Variants in LGR6 observed in about 807,000 individuals in gnomAD.
LGR6 encodes the protein leucine-rich repeat-containing G protein-coupled receptor 6.
LGR6 carries 45 observed loss-of-function variants against 69.4 expected under a neutral mutation model. That is an observed-to-expected ratio of 0.65 (90% confidence interval 0.51 to 0.83). The LOEUF is 0.83. Ranked by LOEUF, LGR6 falls within the 40% of genes least tolerant of loss-of-function variation. The pLI is 0.00. For missense variants in LGR6, 1,108 were observed against 1,246.7 expected, an observed-to-expected ratio of 0.89 and a Z score of 1.68; for synonymous variants, 538 against 555.0, an observed-to-expected ratio of 0.97 and a Z score of 0.43.
intron 6 of LGR6, among the ~76,000 whole-genome samples, chr1:202,283,681 G>A (rs1255657750): frequency 6.6e-6 from 1 of 152,196 alleles, no homozygotes; most frequent in African/African-American, 2.4e-5. Context: ...CACACACGTG[G>A]TCACACAGGC....
chr1:202,223,137 C>A (rs1030873073), intron 1 of LGR6, among the ~76,000 whole-genome samples: 1 of 152,112 alleles, frequency 6.6e-6, no homozygotes, highest in African/African-American at 2.4e-5. Flanking sequence ...TGGGTTCTGC[C>A]TCTCTCCCAC....
At chr1:202,262,774 G>A (rs1189694924) in intron 4 of LGR6, among the ~76,000 whole-genome samples, 1 of 152,056 alleles carries the variant, frequency 6.6e-6, no homozygotes, top group African/African-American at 2.4e-5. Context: ...AGTGTCTCAT[G>A]TTTATTCTCC....
chr1:202,224,770 A>C (rs1186713791), intron 1 of LGR6, among the ~76,000 whole-genome samples: 1 of 152,000 alleles, frequency 6.6e-6, no homozygotes, highest in African/African-American at 2.4e-5. Context: ...CTCCCTCTCT[A>C]TGTTCCGCCT....
At chr1:202,224,620 G>A (rs936052309) in intron 1 of LGR6, among the ~76,000 whole-genome samples, 2 of 152,186 alleles carry the variant, frequency 1.3e-5, no homozygotes, top group Non-Finnish European at 2.9e-5. Flanking sequence ...ATTAGTTAGA[G>A]TCTCATAAGG....
intron 6 of LGR6, among the ~76,000 whole-genome samples, chr1:202,291,966 G>A (rs564929980): frequency 1.7e-4 from 26 of 152,216 alleles, no homozygotes; most frequent in Non-Finnish European, 3.2e-4. Context: ...GGGTTGGATT[G>A]AGGGAGAAAG....
In LGR6 at chr1:202,207,754, C is replaced by T. The variant is rs542522652; in HGVS notation, c.212+13553C>T. ...CTCACCTGTAATAGAGGGATGACAA[C>T]GATGCCCTTGTTAAATGAGTTAATA... On this transcript the variant is annotated intron_variant, in intron 1 of 17. Coordinates refer to ENST00000367278, the MANE Select transcript of LGR6 (RefSeq NM_001017403.2). Among the ~76,000 whole-genome samples, 8 of 152,288 alleles carry T rather than the reference C, an allele frequency of 5.3e-5. No individual in the cohort carries two copies. In the East Asian group the frequency reaches 1.5e-3, roughly 29 times the overall value.
At chr1:202,237,809 C>G (rs1661711470) in intron 4 of LGR6, among the ~76,000 whole-genome samples, 1 of 152,156 alleles carries the variant, frequency 6.6e-6, no homozygotes, top group Non-Finnish European at 1.5e-5. Flanking sequence ...GCAAGAAGAG[C>G]ACTGGCCTGT....
intron 4 of LGR6, among the ~76,000 whole-genome samples, chr1:202,249,439 A>C (rs1048749708): frequency 2.6e-5 from 4 of 151,992 alleles, no homozygotes; most frequent in African/African-American, 9.7e-5. Flanking sequence ...TCTCCCTGGG[A>C]GGTTTCTCAT....
At chr1:202,253,396 G>A (rs1297638601) in intron 4 of LGR6, among the ~76,000 whole-genome samples, 1 of 151,778 alleles carries the variant, frequency 6.6e-6, no homozygotes, top group African/African-American at 2.4e-5. Context: ...TCCGCCTCCT[G>A]GGTTCAAGCT....
intron 1 of LGR6, among the ~76,000 whole-genome samples, chr1:202,207,104 G>A (rs1659277120): frequency 6.6e-6 from 1 of 152,052 alleles, no homozygotes; most frequent in Non-Finnish European, 1.5e-5. Context: ...TTTTAGTAGA[G>A]ACGGGTTTTC....
Position 202,226,545 on chromosome 1 carries a change from C to T in LGR6, c.284+1051C>T, listed in dbSNP as rs146718390. On this transcript the variant is annotated intron_variant, in intron 2 of 17. Coordinates refer to ENST00000367278, the MANE Select transcript of LGR6 (RefSeq NM_001017403.2). The stretch of plus-strand genomic sequence containing the variant: ...TCCCCAGGGATGCGGTCAACCTGCC[C>T]CTGTTGGAGTTTTGACCCCCAGGGC... 1.9e-3 allele frequency among the ~76,000 whole-genome samples: 289 copies of T among 152,202 alleles called. 2 individuals carry two copies. The highest frequency in any genetic ancestry group is 6.5e-3 in the African/African-American group (269 of 41,522).
chr1:202,194,712 G>GGGC (rs1658572826), intron 1 of LGR6: 4 of 255,976 alleles, frequency 1.6e-5, no homozygotes, highest in Non-Finnish European at 3.1e-5. Flanking sequence ...GGGCGGGGGG[G>GGGC]GCGGGTTTCC....
intron 4 of LGR6, among the ~76,000 whole-genome samples, chr1:202,263,965 A>G (rs1280558774): frequency 6.6e-6 from 1 of 152,218 alleles, no homozygotes; most frequent in East Asian, 1.9e-4. Flanking sequence ...AATTCTGAGC[A>G]AGAGAAAAAC....
intron 4 of LGR6, among the ~76,000 whole-genome samples, chr1:202,258,695 T>C (rs1298332971): frequency 6.6e-6 from 1 of 152,060 alleles, no homozygotes; most frequent in Non-Finnish European, 1.5e-5. Context: ...TTGATCACTT[T>C]ATTAAATTCT....
At chr1:202,247,250 G>A (rs965438226) in intron 4 of LGR6, among the ~76,000 whole-genome samples, 3 of 151,516 alleles carry the variant, frequency 2.0e-5, no homozygotes, top group South Asian at 2.1e-4. Flanking sequence ...CAGCATCGGC[G>A]TCACTTGGGA....
intron 1 of LGR6, among the ~76,000 whole-genome samples, chr1:202,216,471 G>A (rs954887276): frequency 6.6e-6 from 1 of 152,216 alleles, no homozygotes; most frequent in African/African-American, 2.4e-5. Context: ...GTCCAATACA[G>A]GAGCCACTAT....
At chr1:202,225,252 C>T (rs1482883799) in intron 1 of LGR6, 171 bp from the exon 2 acceptor site, 1 of 625,916 alleles carries the variant, frequency 1.6e-6, no homozygotes, top group Non-Finnish European at 2.9e-6. Flanking sequence ...TCAGTTCTTG[C>T]TCTTAGAGAG....
intron 2 of LGR6, 53 bp downstream of exon 2, chr1:202,225,547 TC>T: frequency 6.6e-7 from 1 of 1,512,976 alleles, no homozygotes; most frequent in Non-Finnish European, 9.2e-7. Context: ...GTCTAATATC[TC>T]TGGAACCAGA....
intron 1 of LGR6, among the ~76,000 whole-genome samples, chr1:202,218,535 A>G (rs1223470294): frequency 6.6e-6 from 1 of 152,166 alleles, no homozygotes; most frequent in African/African-American, 2.4e-5. Flanking sequence ...TGATGGTCAC[A>G]ATAATAGGGA....
Sources: gnomAD v4.1 joint callset for allele counts (sites outside exome capture counted in the v4.1 genomes callset) on GRCh38, gnomAD v4.1.1 for gene constraint, MANE v1.5 for transcripts, NCBI Gene and HGNC (gene_info 2026-07-23, HGNC 2026-07-21) for gene names.